The following RIMS2 variants were observed in gnomAD, a reference collection of about 807,000 sequenced individuals.
RIMS2 encodes the protein regulating synaptic membrane exocytosis protein 2.
A neutral mutation model predicts 174.4 loss-of-function variants in RIMS2; 59 were observed. That is an observed-to-expected ratio of 0.34 (90% CI 0.27 to 0.42). The LOEUF is 0.42. Ranked by LOEUF, RIMS2 falls within the 10% of genes least tolerant of loss-of-function variation. RIMS2 has a pLI of 1.00. For missense variants in RIMS2, 1,620 were observed against 1,666.3 expected, an observed-to-expected ratio of 0.97 and a Z score of 0.48; for synonymous variants, 606 against 572.5, an observed-to-expected ratio of 1.06 and a Z score of -0.84.
At chr8:104,094,700 G>C (rs967582704) in intron 19 of RIMS2, 1 of 693,742 alleles carries the variant, frequency 1.4e-6, no homozygotes. Flanking sequence ...AAGAGGATTT[G>C]CAAAGGAGAT....
intron 4 of RIMS2, among the ~76,000 whole-genome samples, chr8:103,904,074 G>A (rs939348431): frequency 2.4e-4 from 36 of 151,936 alleles, no homozygotes; most frequent in African/African-American, 7.0e-4. Flanking sequence ...TTGTTCTTAC[G>A]CTTCCTCTTT....
At chr8:104,251,801 C>T in exon 24 of RIMS2, 1 of 1,602,830 alleles carries the variant, frequency 6.2e-7, no homozygotes, top group East Asian at 2.2e-5. Context: ...TCAACTGGAC[C>T]TTCTTACTCT....
chr8:104,012,513 A>G (rs975185161), intron 17 of RIMS2, among the ~76,000 whole-genome samples: 3 of 152,028 alleles, frequency 2.0e-5, no homozygotes, highest in African/African-American at 7.2e-5. Flanking sequence ...TGTGCTTACA[A>G]CTGGATGGGG....
intron 1 of RIMS2, 22 bp downstream of exon 1, chr8:103,501,084 C>CCCGCCTCTCTCCCTGCCCT (rs762118215): frequency 3.2e-6 from 5 of 1,540,390 alleles, no homozygotes; most frequent in Non-Finnish European, 4.4e-6. Context: ...GCTCCATATT[C>CCCGCCTCTCTCCCTGCCCT]CCGCCTCTCT....
At chr8:103,501,236 G>T (rs1269763336) in intron 1 of RIMS2, among the ~76,000 whole-genome samples, 174 bp downstream of exon 1, 1 of 152,064 alleles carries the variant, frequency 6.6e-6, no homozygotes, top group African/African-American at 2.4e-5. Context: ...GTGTCTGAGA[G>T]CAGGGGTGTG....
intron 19 of RIMS2, among the ~76,000 whole-genome samples, chr8:104,115,153 C>G (rs1248479729): frequency 6.6e-6 from 1 of 152,026 alleles, no homozygotes; most frequent in East Asian, 1.9e-4. Context: ...AATTCTTAAA[C>G]TTTCAGCAAA....
intron 2 of RIMS2, among the ~76,000 whole-genome samples, chr8:103,752,558 C>T (rs2097908002): frequency 6.6e-6 from 1 of 151,334 alleles, no homozygotes; most frequent in Admixed American, 6.6e-5. Flanking sequence ...GCCATTTTCA[C>T]CCATGAGCAT....
chr8:104,115,909 T>G (rs1201080543), intron 19 of RIMS2, among the ~76,000 whole-genome samples: 1 of 152,182 alleles, frequency 6.6e-6, no homozygotes, highest in African/African-American at 2.4e-5. Flanking sequence ...TGTAAACAAC[T>G]CTTTTGGCCA....
intron 3 of RIMS2, among the ~76,000 whole-genome samples, chr8:103,772,168 A>G (rs778046887): frequency 6.6e-6 from 1 of 151,982 alleles, no homozygotes; most frequent in Non-Finnish European, 1.5e-5. Flanking sequence ...TGGATTTACT[A>G]TTATGCAATA....
At chr8:103,560,541 A>C (rs1337009546) in intron 1 of RIMS2, among the ~76,000 whole-genome samples, 1 of 152,214 alleles carries the variant, frequency 6.6e-6, no homozygotes, top group East Asian at 1.9e-4. Flanking sequence ...ATGTTGCTGA[A>C]TACACAGATC....
intron 1 of RIMS2, among the ~76,000 whole-genome samples, chr8:103,671,482 G>A (rs1388436260): frequency 6.6e-6 from 1 of 152,154 alleles, no homozygotes; most frequent in Non-Finnish European, 1.5e-5. Context: ...GGAGTACTAG[G>A]AATCCTTACT....
At chr8:104,133,881 T>A (rs2098495152) in intron 19 of RIMS2, among the ~76,000 whole-genome samples, 1 of 152,098 alleles carries the variant, frequency 6.6e-6, no homozygotes, top group South Asian at 2.1e-4. Context: ...GAAGAAGGAA[T>A]ATGTTTGAGA....
intron 2 of RIMS2, among the ~76,000 whole-genome samples, chr8:103,757,599 A>G (rs967682562): frequency 1.3e-5 from 2 of 152,170 alleles, no homozygotes; most frequent in Non-Finnish European, 2.9e-5. Flanking sequence ...AAAGATAACC[A>G]TGTCTTAATT....
At chr8:103,829,590 C>T (rs967579035) in intron 3 of RIMS2, among the ~76,000 whole-genome samples, 1 of 152,126 alleles carries the variant, frequency 6.6e-6, no homozygotes, top group Non-Finnish European at 1.5e-5. Context: ...ATTATCCTAA[C>T]CAATTTGATG....
intron 19 of RIMS2, among the ~76,000 whole-genome samples, chr8:104,086,116 A>G (rs537625928): frequency 6.6e-6 from 1 of 152,156 alleles, no homozygotes; most frequent in South Asian, 2.1e-4. Flanking sequence ...ATTAAAAAGT[A>G]ACACTCAGGG....
At chr8:104,105,711 A>G (rs1032199639) in intron 19 of RIMS2, among the ~76,000 whole-genome samples, 5 of 152,080 alleles carry the variant, frequency 3.3e-5, no homozygotes, top group African/African-American at 1.2e-4. Context: ...GGTACTATAC[A>G]GGTACATGCC....
intron 12 of RIMS2, among the ~76,000 whole-genome samples, chr8:103,934,178 T>C (rs1380500001): frequency 2.6e-5 from 4 of 152,156 alleles, no homozygotes; most frequent in African/African-American, 9.6e-5. Flanking sequence ...AAAGTCCTAG[T>C]AACGTGAAAA....
At chr8:103,633,731 G>A (rs904417091) in intron 1 of RIMS2, among the ~76,000 whole-genome samples, 25 of 152,186 alleles carry the variant, frequency 1.6e-4, no homozygotes, top group African/African-American at 6.0e-4. Flanking sequence ...TCCATTCGGG[G>A]AATCAGTTTC....
intron 1 of RIMS2, chr8:103,501,679 C>G (rs868376075): frequency 8.5e-5 from 13 of 152,690 alleles, no homozygotes; most frequent in Non-Finnish European, 1.0e-4. Flanking sequence ...GCCCCTCCCC[C>G]TCGGCGAGTG....
Sources: allele counts gnomAD v4.1 joint callset (sites outside exome capture counted in the v4.1 genomes callset), GRCh38; gene constraint gnomAD v4.1.1; transcripts MANE v1.5; gene names NCBI Gene and HGNC (gene_info 2026-07-23, HGNC 2026-07-21).